NALF1: variants seen among roughly 807,000 people sequenced by gnomAD.
NALF1 encodes the protein NALCN channel auxiliary factor 1, also known as family with sequence similarity 155 member A.
In NALF1, 3 loss-of-function variants were observed where a neutral mutation model predicts 48.4. The observed-to-expected ratio is 0.06, with a 90% CI of 0.03 to 0.16. The LOEUF is 0.16. Ranked by LOEUF, NALF1 falls within the 10% of genes least tolerant of loss-of-function variation. NALF1 has a pLI of 1.00. For missense variants in NALF1, 526 were observed against 571.5 expected, an observed-to-expected ratio of 0.92 and a Z score of 0.81; for synonymous variants, 262 against 245.7, an observed-to-expected ratio of 1.07 and a Z score of -0.62.
chr13:107,815,814 A>C (rs1004499570), intron 1 of NALF1, among the ~76,000 whole-genome samples: 1 of 152,180 alleles, frequency 6.6e-6, no homozygotes, highest in African/African-American at 2.4e-5. Context: ...AATAAAAATG[A>C]CTGCAACACT....
rs1884277612 is a variant in NALF1, at chr13:107,426,126, T to C, written c.916-215371A>G. The stretch of plus-strand genomic sequence containing the variant: ...TCTCCCCTCCACCAGGGCGAGGTGC[T>C]TTCTGTCTCCTCTGCAGAAATGCTC... On this transcript the variant is annotated intron_variant, in intron 1 of 2. Coordinates refer to ENST00000375915, the MANE Select transcript of NALF1 (RefSeq NM_001080396.3). Among the ~76,000 whole-genome samples the C allele has an allele frequency of 2.6e-5, 4 of 152,204 alleles. No homozygotes were observed. In the South Asian group the frequency reaches 6.2e-4, roughly 24 times the overall value.
chr13:107,275,885 G>A (rs1881270299), intron 1 of NALF1, among the ~76,000 whole-genome samples: 1 of 152,160 alleles, frequency 6.6e-6, no homozygotes, highest in East Asian at 1.9e-4. Context: ...TGGGGCTGAA[G>A]GAGCCACTTC....
At chr13:107,706,324 T>C (rs1030519471) in intron 1 of NALF1, among the ~76,000 whole-genome samples, 1 of 152,236 alleles carries the variant, frequency 6.6e-6, no homozygotes, top group Admixed American at 6.5e-5. Context: ...TTTTATCTTC[T>C]ATTTAGGAAG....
intron 1 of NALF1, among the ~76,000 whole-genome samples, chr13:107,674,333 T>G (rs1457505422): frequency 6.6e-6 from 1 of 152,170 alleles, no homozygotes; most frequent in Non-Finnish European, 1.5e-5. Context: ...TCAAGCATCT[T>G]AAACAAACCA....
intron 1 of NALF1, among the ~76,000 whole-genome samples, chr13:107,723,425 T>TAC (rs201872073): frequency 1.6e-4 from 24 of 151,242 alleles, no homozygotes; most frequent in South Asian, 8.4e-4. Context: ...ACCCAATTCA[T>TAC]ACACACACAC....
intron 1 of NALF1, among the ~76,000 whole-genome samples, chr13:107,600,685 T>G (rs1177119368): frequency 2.6e-5 from 4 of 152,140 alleles, no homozygotes; most frequent in African/African-American, 9.7e-5. Context: ...TAATATTAAC[T>G]TATATAGACC....
At chr13:107,797,702 T>C (rs1878472696) in intron 1 of NALF1, among the ~76,000 whole-genome samples, 1 of 152,180 alleles carries the variant, frequency 6.6e-6, no homozygotes, top group Admixed American at 6.5e-5. Flanking sequence ...ATATTGTTGA[T>C]TTTCAGATTT....
rs117965917 is a variant in NALF1 at position 107,763,107 on chromosome 13, T to C, written c.915+102575A>G. 1.1e-3 allele frequency among the ~76,000 whole-genome samples: 165 copies of C among 152,180 alleles called. 2 individuals carry two copies. In the East Asian group the frequency reaches 0.029, roughly 27 times the overall value. On this transcript the variant is annotated intron_variant, in intron 1 of 2. Transcript: ENST00000375915. ...AAGAAAAATAAACTCATCATTTTTC[T>C]GGCATTAAACAAACTTTTTGAAACC...
rs1179856413 is a variant in NALF1, at chr13:107,866,042, C to G, written c.555G>C (p.Glu185Asp). The G allele has an allele frequency of 1.2e-6, 2 of 1,612,518 alleles. No individual in the cohort carries two copies. The highest frequency in any genetic ancestry group is 2.2e-5 in the South Asian group (2 of 91,064). ...GASSGQCFTV[E>D]NADAVCARNW... ...TCCTGGCGCACACCGCGTCCGCATT[C>G]TCCACCGTGAAGCACTGGCCCGAGG... Residue 185 changes from glutamate (E) to aspartate (D), a missense_variant, in exon 1 of 3, where the codon GAG becomes GAC. Glu to Asp is a conservative substitution (Grantham distance 45, BLOSUM62 2). Around this residue, in one of 2 missense-constraint regions of NALF1, gnomAD observed 373 missense variants for 355.5 expected, o/e 1.05. Transcript: ENST00000375915. The surrounding 1 kb of genome is among the most constrained non-coding windows in gnomAD (Gnocchi z 4.4).
At chr13:107,530,185 T>C (rs770222812) in intron 1 of NALF1, among the ~76,000 whole-genome samples, 8 of 152,112 alleles carry the variant, frequency 5.3e-5, no homozygotes, top group African/African-American at 1.2e-4. Context: ...CTCAGTCTTA[T>C]GCTTTATAGC....
At chr13:107,702,409 G>A (rs1881844774) in intron 1 of NALF1, among the ~76,000 whole-genome samples, 1 of 151,914 alleles carries the variant, frequency 6.6e-6, no homozygotes, top group Admixed American at 6.6e-5. Flanking sequence ...TGTTTTAGAT[G>A]TTTCTCTTGT....
At chr13:107,564,241 A>T (rs1877724993) in intron 1 of NALF1, among the ~76,000 whole-genome samples, 2 of 152,240 alleles carry the variant, frequency 1.3e-5, no homozygotes. Context: ...AGGACTTTGT[A>T]GCTATATAAT....
intron 1 of NALF1, among the ~76,000 whole-genome samples, chr13:107,521,841 G>A (rs1004860662): frequency 6.6e-6 from 1 of 151,848 alleles, no homozygotes; most frequent in Non-Finnish European, 1.5e-5. Flanking sequence ...CCTGAAATTG[G>A]TCTGTTCAGG....
At chr13:107,551,260 C>T (rs1877284561) in intron 1 of NALF1, among the ~76,000 whole-genome samples, 1 of 152,158 alleles carries the variant, frequency 6.6e-6, no homozygotes, top group Admixed American at 6.5e-5. Flanking sequence ...CCTATATTTA[C>T]ATACCATTGC....
At chr13:107,668,678 G>A (rs1880917922) in intron 1 of NALF1, among the ~76,000 whole-genome samples, 1 of 151,978 alleles carries the variant, frequency 6.6e-6, no homozygotes, top group South Asian at 2.1e-4. Flanking sequence ...CTAAACTCAG[G>A]AGCAACTCTG....
chr13:107,575,025 T>C (rs1878093712), intron 1 of NALF1, among the ~76,000 whole-genome samples: 1 of 152,122 alleles, frequency 6.6e-6, no homozygotes, highest in Admixed American at 6.6e-5. Context: ...ATATATTTCC[T>C]GAGGCTTAGG....
intron 1 of NALF1, among the ~76,000 whole-genome samples, chr13:107,398,021 C>T (rs150058630): frequency 5.0e-4 from 76 of 152,224 alleles, no homozygotes; most frequent in African/African-American, 1.8e-3. Flanking sequence ...ACCAGCCTGA[C>T]AAGGTTCCAG....
At chr13:107,633,679 T>C (rs974727925) in intron 1 of NALF1, among the ~76,000 whole-genome samples, 4 of 150,216 alleles carry the variant, frequency 2.7e-5, no homozygotes, top group Admixed American at 6.7e-5. Flanking sequence ...TTAACTTTAT[T>C]ATACATTTGT....
intron 1 of NALF1, among the ~76,000 whole-genome samples, chr13:107,805,627 T>G (rs1878760423): frequency 6.6e-6 from 1 of 152,222 alleles, no homozygotes; most frequent in Non-Finnish European, 1.5e-5. Flanking sequence ...TTTCAAAATG[T>G]CTAACTTACA....
Sources: gnomAD v4.1 joint callset for allele counts (sites outside exome capture counted in the v4.1 genomes callset) on GRCh38, gnomAD v4.1.1 for gene constraint, gnomAD v4.1.1 regional missense constraint, Gnocchi (gnomAD v3.1) non-coding constraint, MANE v1.5 for transcripts, NCBI Gene and HGNC (gene_info 2026-07-23, HGNC 2026-07-21) for gene names.